Variants in CDH12 observed in about 807,000 individuals in gnomAD.
The protein encoded by CDH12 is cadherin-12.
CDH12 carries 41 observed loss-of-function variants against 74.1 expected under a neutral mutation model. The ratio of observed to expected loss-of-function variants is 0.55; its 90% CI spans 0.43 to 0.72. CDH12 has a LOEUF of 0.72. CDH12 is among the 30% of genes least tolerant of loss of function. The pLI is 0.00. For synonymous variants in CDH12, 399 were observed against 355.0 expected, an observed-to-expected ratio of 1.12 and a Z score of -1.39; for missense variants, 945 against 977.2, an observed-to-expected ratio of 0.97 and a Z score of 0.44.
At chr5:22,239,088 C>T (rs916046842) in intron 3 of CDH12, among the ~76,000 whole-genome samples, 1 of 152,146 alleles carries the variant, frequency 6.6e-6, no homozygotes, top group African/African-American at 2.4e-5. Flanking sequence ...GAAAGATGCA[C>T]ATTAATTATG....
chr5:21,755,977 C>T, intron 13 of CDH12, 135 bp from the exon 14 acceptor site: 1 of 810,526 alleles, frequency 1.2e-6, no homozygotes. Context: ...TTTCTGTTCA[C>T]ATTATGAAAA....
intron 4 of CDH12, among the ~76,000 whole-genome samples, chr5:22,146,039 A>G (rs1458687934): frequency 8.1e-6 from 1 of 124,176 alleles, no homozygotes; most frequent in African/African-American, 2.7e-5. Context: ...TACACACTTT[A>G]CCAAAATATG....
intron 4 of CDH12, among the ~76,000 whole-genome samples, chr5:22,184,889 A>C (rs906741295): frequency 6.6e-6 from 1 of 152,218 alleles, no homozygotes; most frequent in Non-Finnish European, 1.5e-5. Context: ...GTGAAAGTGC[A>C]GGTTTGTTAT....
chr5:22,146,830 T>C (rs1437262498), intron 4 of CDH12, among the ~76,000 whole-genome samples: 3 of 152,126 alleles, frequency 2.0e-5, no homozygotes, highest in Non-Finnish European at 2.9e-5. Context: ...TCTAAACAGT[T>C]ATATCAACTT....
intron 2 of CDH12, among the ~76,000 whole-genome samples, chr5:22,479,387 G>T (rs1746296547): frequency 6.6e-6 from 1 of 152,154 alleles, no homozygotes; most frequent in African/African-American, 2.4e-5. Context: ...AGTGAGAGAG[G>T]TAGACACTAA....
intron 1 of CDH12, among the ~76,000 whole-genome samples, chr5:22,537,747 A>C (rs1475774881): frequency 2.6e-5 from 4 of 152,186 alleles, no homozygotes; most frequent in African/African-American, 9.7e-5. Flanking sequence ...CTCCTGACCG[A>C]AATTGTCCAG....
Position 21,868,275 on chromosome 5 carries a change from C to T in CDH12, c.527-13485G>A, listed in dbSNP as rs113553130. Among the ~76,000 whole-genome samples the T allele has an allele frequency of 5.3e-3, 799 of 152,090 alleles. 13 individuals carry two copies. The highest frequency in any genetic ancestry group is 0.019 in the African/African-American group (769 of 41,416). On this transcript the variant is annotated intron_variant, in intron 6 of 14. Coordinates refer to ENST00000382254, the MANE Select transcript of CDH12 (RefSeq NM_004061.5). The stretch of plus-strand genomic sequence containing the variant: ...TAAACCTCTTTCTTTTGTAAATTGC[C>T]CAGTCTCCAGTATGCCTTTATCAGC...
intron 1 of CDH12, among the ~76,000 whole-genome samples, chr5:22,677,287 A>G (rs1294311425): frequency 6.6e-6 from 1 of 152,154 alleles, no homozygotes; most frequent in Non-Finnish European, 1.5e-5. Flanking sequence ...ATAATTTGTA[A>G]GCACCAGAAA....
chr5:21,851,834 A>G (rs1750483171), intron 7 of CDH12, among the ~76,000 whole-genome samples: 1 of 151,386 alleles, frequency 6.6e-6, no homozygotes, highest in South Asian at 2.1e-4. Context: ...AGCAGTGTCA[A>G]TACAGAAATC....
intron 6 of CDH12, chr5:21,889,619 T>A: frequency 4.1e-6 from 4 of 985,384 alleles, no homozygotes; most frequent in Non-Finnish European, 4.8e-6. Context: ...TGTTCGCATG[T>A]GTGTGGCTTT....
intron 1 of CDH12, among the ~76,000 whole-genome samples, chr5:22,609,333 C>A (rs991030965): frequency 6.6e-6 from 1 of 152,164 alleles, no homozygotes; most frequent in Non-Finnish European, 1.5e-5. Flanking sequence ...CCTAGGGAAT[C>A]TCTACTAATA....
chr5:22,300,794 G>T (rs2150419542), intron 3 of CDH12, among the ~76,000 whole-genome samples: 1 of 152,276 alleles, frequency 6.6e-6, no homozygotes, highest in East Asian at 1.9e-4. Flanking sequence ...AATAGGTTTG[G>T]TGTTGTTCTG....
chr5:22,136,964 T>C (rs1336353871), intron 4 of CDH12, among the ~76,000 whole-genome samples: 2 of 151,448 alleles, frequency 1.3e-5, no homozygotes, highest in Non-Finnish European at 2.9e-5. Context: ...AAATGATCAG[T>C]AGCAAATAAC....
chr5:22,530,844 A>G (rs1737552905), intron 1 of CDH12, among the ~76,000 whole-genome samples: 1 of 152,126 alleles, frequency 6.6e-6, no homozygotes, highest in South Asian at 2.1e-4. Flanking sequence ...TCATTGCTGA[A>G]CAAGGACTAT....
chr5:21,869,169 G>A (rs1751487570), intron 6 of CDH12, among the ~76,000 whole-genome samples: 1 of 152,154 alleles, frequency 6.6e-6, no homozygotes, highest in African/African-American at 2.4e-5. Context: ...AGAATAGTGA[G>A]GTGAAATTGG....
intron 6 of CDH12, among the ~76,000 whole-genome samples, chr5:21,967,374 G>A (rs1345800798): frequency 6.6e-6 from 1 of 152,134 alleles, no homozygotes; most frequent in Non-Finnish European, 1.5e-5. Context: ...GAAAAATGAT[G>A]TTCATAGCTA....
chr5:21,861,212 T>G (rs962690836), intron 6 of CDH12, among the ~76,000 whole-genome samples: 1 of 151,812 alleles, frequency 6.6e-6, no homozygotes, highest in Non-Finnish European at 1.5e-5. Context: ...CATTGATTTA[T>G]TTTTATCTCA....
At chr5:21,953,757 T>A (rs1266958433) in intron 6 of CDH12, among the ~76,000 whole-genome samples, 2 of 152,170 alleles carry the variant, frequency 1.3e-5, no homozygotes, top group African/African-American at 4.8e-5. Context: ...AAATAGCATT[T>A]AAAATGTAGA....
intron 1 of CDH12, among the ~76,000 whole-genome samples, chr5:22,822,910 G>A (rs1249716298): frequency 6.6e-6 from 1 of 152,062 alleles, no homozygotes. Context: ...TATAAATCAT[G>A]CTGCTATAAA....
Sources: gnomAD v4.1 joint callset for allele counts (sites outside exome capture counted in the v4.1 genomes callset) on GRCh38, gnomAD v4.1.1 for gene constraint, MANE v1.5 for transcripts, NCBI Gene and HGNC (gene_info 2026-07-23, HGNC 2026-07-21) for gene names.